The following DPYD variants were observed in gnomAD, a reference collection of about 807,000 sequenced individuals.
DPYD encodes dihydropyrimidine dehydrogenase, also known as dihydropyrimidine dehydrogenase [NADP(+)].
In DPYD, 109 loss-of-function variants were observed where a neutral mutation model predicts 116.2. The observed-to-expected ratio is 0.94, with a 90% CI of 0.80 to 1.10. The LOEUF (loss-of-function observed/expected upper bound fraction) is 1.10, where lower values mean the gene tolerates loss of function less well. DPYD is among the 50% of genes least tolerant of loss of function. The pLI is 0.00. For missense variants in DPYD, 1,302 were observed against 1,254.5 expected (o/e 1.04, Z -0.57); for synonymous variants, 440 against 432.0 (o/e 1.02, Z -0.23).
At chr1:97,914,717 G>A (rs114462053) in intron 1 of DPYD, among the ~76,000 whole-genome samples, 82 of 152,142 alleles carry the variant, frequency 5.4e-4, no homozygotes, top group Non-Finnish European at 9.1e-4. Context: ...AGTACAACAG[G>A]TACTAAAAAC....
rs1167788637 is a variant in DPYD at position 97,740,479 on chromosome 1, T to C, written c.234A>G (p.Arg78=). ...ACGGGGCATCTGCACATTTCAGGCATCTAGGAAATAAAATAACTATGTTAA... is the reference window on the plus strand; with the variant it reads ...ACGGGGCATCTGCACATTTCAGGCACCTAGGAAATAAAATAACTATGTTAA... ...GERGALREAM[R]CLKCADAPCQ... The change falls in exon 4 of 23, where the codon AGA becomes AGG. Residue 78 remains arginine (R), a splice_region_variant and synonymous_variant. Transcript: ENST00000370192. The C allele has an allele frequency of 5.0e-6, 8 of 1,611,624 alleles. No homozygotes were observed. Among genetic ancestry groups the C allele is most frequent in the African/African-American group, 4.0e-5 (3 of 74,998 alleles).
intron 20 of DPYD, among the ~76,000 whole-genome samples, chr1:97,173,241 TATATGTACATATATGCACAC>T (rs1553227803): frequency 8.0e-6 from 1 of 124,768 alleles, no homozygotes; most frequent in African/African-American, 2.9e-5. Flanking sequence ...TGCGCACACA[TATATGTACATATATGCACAC>T]ATATGTACAT....
chr1:97,699,170 T>C, intron 6 of DPYD, among the ~76,000 whole-genome samples, 181 bp downstream of exon 6: 1 of 152,108 alleles, frequency 6.6e-6, no homozygotes, highest in East Asian at 1.9e-4. Context: ...AAATATTGCT[T>C]CAAGCCAACT....
chr1:97,373,506 C>A, intron 16 of DPYD, 55 bp downstream of exon 16: 6 of 1,482,674 alleles, frequency 4.0e-6, no homozygotes, highest in Non-Finnish European at 5.6e-6. Flanking sequence ...ACTATCCATA[C>A]GGGGGCCTGT....
intron 3 of DPYD, among the ~76,000 whole-genome samples, chr1:97,766,498 C>T (rs1443460104): frequency 2.6e-5 from 4 of 152,148 alleles, no homozygotes; most frequent in African/African-American, 7.2e-5. Context: ...TCCTTATAGT[C>T]TTCCCATTTG....
Position 97,173,301 on chromosome 1 carries a change from T to TCCATATATATGC in DPYD, c.2622+19767_2622+19768insGCATATATATGG, listed in dbSNP as rs1557911722. On this transcript the variant is annotated intron_variant, in intron 20 of 22. Coordinates refer to ENST00000370192, the MANE Select transcript of DPYD (RefSeq NM_000110.4). Reference sequence around the variant, plus strand: ...ATGCACACATATATGTACACATATGTACATATATATGCACACATATATACA... The same window carrying TCCATATATATGC: ...ATGCACACATATATGTACACATATGTCCATATATATGCACATATATATGCACACATATATACA... Among the ~76,000 whole-genome samples the TCCATATATATGC allele has an allele frequency of 2.8e-4, 42 of 147,552 alleles. 1 individual carries two copies. The highest frequency in any genetic ancestry group is 1.1e-3 in the African/African-American group (41 of 38,412).
chr1:97,763,485 C>T (rs1162664347), intron 3 of DPYD, among the ~76,000 whole-genome samples: 3 of 151,862 alleles, frequency 2.0e-5, no homozygotes, highest in African/African-American at 7.3e-5. Flanking sequence ...CCCAATCTAC[C>T]TTCATTGTGT....
At chr1:97,891,672 G>A (rs894113343) in intron 1 of DPYD, among the ~76,000 whole-genome samples, 1 of 151,806 alleles carries the variant, frequency 6.6e-6, no homozygotes, top group African/African-American at 2.4e-5. Flanking sequence ...ACAATCACAG[G>A]CCCTCATGTC....
At chr1:97,673,411 A>C (rs1200769199) in intron 8 of DPYD, among the ~76,000 whole-genome samples, 1 of 152,170 alleles carries the variant, frequency 6.6e-6, no homozygotes, top group Non-Finnish European at 1.5e-5. Flanking sequence ...GCAATGTTAT[A>C]ATACTCCAAA....
At chr1:97,619,661 C>G (rs1383439331) in intron 8 of DPYD, among the ~76,000 whole-genome samples, 4 of 152,092 alleles carry the variant, frequency 2.6e-5, no homozygotes, top group Non-Finnish European at 4.4e-5. Flanking sequence ...AGTAATCATG[C>G]TTCTTATAAC....
At chr1:97,606,210 T>C (rs1655584970) in intron 8 of DPYD, among the ~76,000 whole-genome samples, 1 of 152,104 alleles carries the variant, frequency 6.6e-6, no homozygotes, top group Non-Finnish European at 1.5e-5. Flanking sequence ...ATTTACTGAA[T>C]GCCTACTACG....
intron 13 of DPYD, among the ~76,000 whole-genome samples, chr1:97,508,738 T>C (rs778504823): frequency 8.6e-5 from 13 of 151,950 alleles, no homozygotes; most frequent in Non-Finnish European, 1.9e-4. Context: ...TTGTATCAAA[T>C]AGACCTTGGT....
chr1:97,192,470 CA>C (rs1658442393), intron 20 of DPYD, among the ~76,000 whole-genome samples: 1 of 151,944 alleles, frequency 6.6e-6, no homozygotes. Flanking sequence ...TAGAATAATA[CA>C]AAGGAAATAC....
intron 13 of DPYD, among the ~76,000 whole-genome samples, chr1:97,483,048 C>G (rs549357994): frequency 4.0e-4 from 61 of 152,182 alleles, no homozygotes; most frequent in Non-Finnish European, 3.4e-4. Context: ...TCCCGAATCA[C>G]AGGCTGTCTT....
intron 13 of DPYD, among the ~76,000 whole-genome samples, chr1:97,450,511 T>C (rs934160947): frequency 3.3e-5 from 5 of 152,162 alleles, no homozygotes; most frequent in Non-Finnish European, 1.5e-5. Flanking sequence ...GGCATACTCA[T>C]TTTAATTTGT....
At chr1:97,407,363 T>G (rs1673719183) in intron 14 of DPYD, among the ~76,000 whole-genome samples, 1 of 152,320 alleles carries the variant, frequency 6.6e-6, no homozygotes, top group South Asian at 2.1e-4. Flanking sequence ...TTTAATAATT[T>G]TATGAGATTT....
At position 97,119,566 on chromosome 1, in the gene DPYD, A is replaced by G. The variant is rs542509867; in HGVS notation, c.2623-20934T>C. Among the ~76,000 whole-genome samples the G allele has an allele frequency of 1.4e-4, 22 of 152,238 alleles. 1 individual carries two copies. In the South Asian group the frequency reaches 4.6e-3, roughly 32 times the overall value. ...TTTGTTAGGATTCTCAATATCTAGAAGGAGGGGCAACCTTTCTGGCATGAA... is the reference window on the plus strand; with the variant it reads ...TTTGTTAGGATTCTCAATATCTAGAGGGAGGGGCAACCTTTCTGGCATGAA... On this transcript the variant is annotated intron_variant, in intron 20 of 22. Transcript: ENST00000370192.
At position 97,593,237 on chromosome 1, in the gene DPYD, A is replaced by G. The variant is rs760570391; in HGVS notation, c.1109T>C (p.Ile370Thr). The G allele has an allele frequency of 6.2e-7, 1 of 1,614,136 alleles. No homozygotes were observed. The highest frequency in any genetic ancestry group is 1.1e-5 in the South Asian group (1 of 91,082). The change falls in exon 10 of 23, where the codon ATA (isoleucine) becomes ACA (threonine). Residue 370 changes from isoleucine to threonine, a missense_variant. By Grantham distance (89) the Ile-to-Thr change is moderately conservative. Transcript: ENST00000370192. ...FIVFRKGFVNIRAVPEEMELA... is the reference protein window; with the variant it reads ...FIVFRKGFVNTRAVPEEMELA... The stretch of plus-strand genomic sequence containing the variant: ...TTTTACCTCCTCAGGGACAGCTCTT[A>G]TATTAACAAAGCCTTTTCTGAAGAC...
At chr1:97,540,577 G>A (rs1349792755) in intron 12 of DPYD, among the ~76,000 whole-genome samples, 1 of 152,080 alleles carries the variant, frequency 6.6e-6, no homozygotes, top group Non-Finnish European at 1.5e-5. Context: ...TTTCCTGGAA[G>A]CACCCCCGTC....
Sources: gnomAD v4.1 joint callset for allele counts (sites outside exome capture counted in the v4.1 genomes callset) on GRCh38, gnomAD v4.1.1 for gene constraint, MANE v1.5 for transcripts, NCBI Gene and HGNC (gene_info 2026-07-23, HGNC 2026-07-21) for gene names.